SVOPL: variants seen among roughly 807,000 people sequenced by gnomAD.
SVOPL encodes the protein SVOP like.
In SVOPL, 60 loss-of-function variants were observed where a neutral mutation model predicts 61.0. The observed-to-expected ratio is 0.98, with a 90% CI of 0.80 to 1.22. The LOEUF (loss-of-function observed/expected upper bound fraction) is 1.22, where lower values mean the gene tolerates loss of function less well. Ranked by LOEUF, SVOPL falls within the 50% of genes most tolerant of loss-of-function variation. SVOPL has a pLI of 0.00. For missense variants in SVOPL, 662 were observed against 643.9 expected (o/e 1.03, Z -0.30); for synonymous variants, 279 against 250.0 (o/e 1.12, Z -1.09).
intron 6 of SVOPL, among the ~76,000 whole-genome samples, 192 bp from the exon 7 acceptor site, chr7:138,656,703 G>C (rs901803674): frequency 2.0e-5 from 3 of 151,998 alleles, no homozygotes; most frequent in African/African-American, 7.2e-5. Context: ...ATTGCTCCTG[G>C]GTTTACATCT....
chr7:138,672,560 C>G lies in SVOPL; in HGVS notation c.175-443G>C, dbSNP rs139988650. Among the ~76,000 whole-genome samples the G allele has an allele frequency of 5.3e-4, 79 of 149,348 alleles. No homozygotes were observed. In the East Asian group the frequency reaches 0.014, roughly 26 times the overall value. Reference sequence around the variant, plus strand: ...GGATTTTTGAGACAGTTTCTGATCTCAAGCTGGGATAGTAAGATTCATGAA... The same window carrying G: ...GGATTTTTGAGACAGTTTCTGATCTGAAGCTGGGATAGTAAGATTCATGAA... On this transcript the variant is annotated intron_variant, in intron 3 of 15. Transcript: ENST00000674285.
chr7:138,664,883 A>C, intron 4 of SVOPL, among the ~76,000 whole-genome samples: 2 of 77,602 alleles, frequency 2.6e-5, no homozygotes, highest in South Asian at 7.2e-4. Context: ...CCTTTCCCCC[A>C]TAACCCTGAC....
At chr7:138,643,097 C>G (rs1321547489) in intron 9 of SVOPL, among the ~76,000 whole-genome samples, 2 of 152,052 alleles carry the variant, frequency 1.3e-5, no homozygotes, top group Non-Finnish European at 2.9e-5. Context: ...CAGGATCCAG[C>G]AATTCCACAT....
chr7:138,604,061 T>G (rs1798646313), intron 14 of SVOPL, among the ~76,000 whole-genome samples: 1 of 149,006 alleles, frequency 6.7e-6, no homozygotes. Flanking sequence ...CCTCCTGGGC[T>G]CAAGTGATCC....
chr7:138,660,844 G>GTAAGGGTGT, intron 5 of SVOPL: 1 of 984,518 alleles, frequency 1.0e-6, no homozygotes. Flanking sequence ...GTTATATATA[G>GTAAGGGTGT]TAAGGGTGTC....
chr7:138,621,878 C>G (rs6966485), intron 13 of SVOPL, among the ~76,000 whole-genome samples: 24,333 of 41,872 alleles, frequency 0.58, 5,402 homozygotes, highest in East Asian at 0.75. Context: ...ATCTATCTAT[C>G]TATCTATCTA....
At chr7:138,661,247 G>A (rs1801985773) in intron 5 of SVOPL, 5 of 985,392 alleles carry the variant, frequency 5.1e-6, no homozygotes, top group Non-Finnish European at 6.0e-6. Flanking sequence ...TTTATGTCTT[G>A]ATGTCTAATC....
rs1800520766 is a variant in SVOPL at position 138,637,427 on chromosome 7, C to CATATAGAT, written c.789+7289_789+7290insATCTATAT. Among the ~76,000 whole-genome samples, 54 of 71,462 alleles carry CATATAGAT rather than the reference C, an allele frequency of 7.6e-4. 3 individuals carry two copies. The South Asian group carries it at 0.024, about 31-fold the overall frequency. 46.9% of individuals were successfully genotyped at this position (71,462 alleles called of 152,430 possible). ...TAGGTGACAGAGCAAGACTCCATCT[C>CATATAGAT]ATATATATATATATAGATAGATAGA... On this transcript the variant is annotated intron_variant, in intron 9 of 15. Coordinates refer to ENST00000674285, the MANE Select transcript of SVOPL (RefSeq NM_001139456.2).
Position 138,628,350 on chromosome 7 carries a change from A to C in SVOPL, c.877T>G (p.Phe293Val). 1 of 1,614,072 alleles carries C rather than the reference A, an allele frequency of 6.2e-7. No individual in the cohort carries two copies. The highest frequency in any genetic ancestry group is 8.5e-7 in the Non-Finnish European group (1 of 1,180,028). ...GCCAGGATAACCCCATAGTAGGCAA[A>C]AGAGATTCCAAGCCTGGAAGAGAGA... ...QIWVIWLGIS[F>V]AYYGVILASA... is the part of the protein sequence containing the mutation. Residue 293 changes from phenylalanine (F) to valine (V), a missense_variant, in exon 11 of 16, where the codon TTT (phenylalanine) becomes GTT (valine). Physicochemically the swap from Phe to Val is conservative, Grantham distance 50 (BLOSUM62 -1). Transcript: ENST00000674285.
intron 1 of SVOPL, among the ~76,000 whole-genome samples, chr7:138,687,526 T>G (rs571656139): frequency 1.3e-5 from 2 of 151,922 alleles, no homozygotes; most frequent in Non-Finnish European, 2.9e-5. Context: ...CATGAGCCAC[T>G]GCACTTGCCC....
chr7:138,670,102 T>C (rs1802378503), intron 4 of SVOPL, among the ~76,000 whole-genome samples: 2 of 152,172 alleles, frequency 1.3e-5, no homozygotes. Context: ...TAGAAAAAAT[T>C]ATGACAGTGA....
intron 8 of SVOPL, chr7:138,646,593 A>G (rs189914233): frequency 1.1e-3 from 165 of 152,602 alleles, no homozygotes; most frequent in African/African-American, 3.9e-3. Flanking sequence ...ATCATAGCTG[A>G]CTGCAGCCTT....
At chr7:138,619,943 C>A (rs1338009856) in intron 14 of SVOPL, among the ~76,000 whole-genome samples, 1 of 152,092 alleles carries the variant, frequency 6.6e-6, no homozygotes, top group Non-Finnish European at 1.5e-5. Flanking sequence ...AGGAGGAAAG[C>A]CTGCATGCTC....
At chr7:138,611,149 G>A (rs543850668) in intron 14 of SVOPL, among the ~76,000 whole-genome samples, 23 of 152,190 alleles carry the variant, frequency 1.5e-4, no homozygotes, top group Non-Finnish European at 3.2e-4. Context: ...AAGCCAAGGT[G>A]GACAGATCAC....
intron 9 of SVOPL, among the ~76,000 whole-genome samples, chr7:138,639,526 C>A (rs1173010104): frequency 6.6e-6 from 1 of 151,628 alleles, no homozygotes; most frequent in Non-Finnish European, 1.5e-5. Context: ...ACTTGGGAGG[C>A]CGAGGCAGGA....
At chr7:138,641,674 A>AC (rs1432841972) in intron 9 of SVOPL, among the ~76,000 whole-genome samples, 2 of 149,674 alleles carry the variant, frequency 1.3e-5, no homozygotes, top group Non-Finnish European at 3.0e-5. Flanking sequence ...TCCATCTCAA[A>AC]AAAAAAAAAA....
At chr7:138,611,852 G>A (rs1217281425) in intron 14 of SVOPL, among the ~76,000 whole-genome samples, 226 of 67,720 alleles carry the variant, frequency 3.3e-3, no homozygotes, top group South Asian at 6.1e-3. Flanking sequence ...CCAAAGTGCC[G>A]AGATTGCAGC....
At chr7:138,629,615 T>C (rs970600689) in intron 10 of SVOPL, among the ~76,000 whole-genome samples, 2 of 152,220 alleles carry the variant, frequency 1.3e-5, no homozygotes, top group South Asian at 2.1e-4. Context: ...TTTTCCTTTA[T>C]AGTTAGCATG....
At chr7:138,670,479 C>T (rs1802387606) in intron 4 of SVOPL, among the ~76,000 whole-genome samples, 1 of 152,136 alleles carries the variant, frequency 6.6e-6, no homozygotes, top group Non-Finnish European at 1.5e-5. Flanking sequence ...GGGATGACTC[C>T]ACCCAGACCC....
Sources: gnomAD v4.1 joint callset for allele counts (sites outside exome capture counted in the v4.1 genomes callset) on GRCh38, gnomAD v4.1.1 for gene constraint, MANE v1.5 for transcripts, NCBI Gene and HGNC (gene_info 2026-07-23, HGNC 2026-07-21) for gene names.